LY75: variants seen among roughly 807,000 people sequenced by gnomAD.
The protein encoded by LY75 is C-type lectin domain family 13 member B.
LY75 carries 185 observed loss-of-function variants against 231.7 expected under a neutral mutation model. The observed-to-expected ratio is 0.80, with a 90% CI of 0.71 to 0.90. The LOEUF (loss-of-function observed/expected upper bound fraction) is 0.90, where lower values mean the gene tolerates loss of function less well. LY75 is among the 40% of genes least tolerant of loss of function. The probability of loss-of-function intolerance (pLI) is 0.00; values close to 1 mark genes in which losing one functional copy is unlikely to be tolerated. For missense variants in LY75, 1,947 were observed against 2,050.2 expected (o/e 0.95, Z 0.97); for synonymous variants, 668 against 689.0 (o/e 0.97, Z 0.48).
At chr2:159,859,078 G>A (rs1046997760) in intron 15 of LY75, among the ~76,000 whole-genome samples, 1 of 152,196 alleles carries the variant, frequency 6.6e-6, no homozygotes, top group Non-Finnish European at 1.5e-5. Context: ...CCTGATGCAG[G>A]TTGCATTAGT....
intron 11 of LY75, among the ~76,000 whole-genome samples, chr2:159,875,864 G>A (rs1685252648): frequency 6.6e-6 from 1 of 152,040 alleles, no homozygotes; most frequent in African/African-American, 2.4e-5. Flanking sequence ...AACCTATGGG[G>A]GGATTCTATT....
At chr2:159,875,739 A>G in intron 11 of LY75, 96 bp from the exon 12 acceptor site, 1 of 1,445,494 alleles carries the variant, frequency 6.9e-7, no homozygotes, top group African/African-American at 1.4e-5. Context: ...AGTTGGGGAG[A>G]GAGAATAAAA....
At chr2:159,859,225 C>T (rs561278868) in intron 15 of LY75, among the ~76,000 whole-genome samples, 2 of 152,338 alleles carry the variant, frequency 1.3e-5, no homozygotes, top group Admixed American at 1.3e-4. Context: ...TCACCTTTTC[C>T]TGTGTTACAT....
At chr2:159,860,691 G>C in intron 15 of LY75, 130 bp downstream of exon 15, 1 of 1,056,096 alleles carries the variant, frequency 9.5e-7, no homozygotes, top group Admixed American at 2.0e-5. Flanking sequence ...CCAGGCCATG[G>C]GTGTGCTTAT....
intron 29 of LY75, 53 bp from the exon 30 acceptor site, chr2:159,817,085 C>G (rs1683141988): frequency 6.8e-7 from 1 of 1,475,380 alleles, no homozygotes; most frequent in African/African-American, 1.4e-5. Context: ...TCAAATACAT[C>G]TTTTGGATGA....
chr2:159,818,714 G>T (rs1683196413), intron 29 of LY75, among the ~76,000 whole-genome samples: 2 of 152,204 alleles, frequency 1.3e-5, no homozygotes, highest in Non-Finnish European at 1.5e-5. Context: ...GAAATTGATT[G>T]TAGGGTAGAT....
In LY75 at chr2:159,858,491, G is replaced by A; in HGVS notation, c.2269-15C>T. The stretch of plus-strand genomic sequence containing the variant: ...CTATGAAATACCTATAAGAGGAAAA[G>A]TATTGCAGAATATTTTGAAGTTGAT... On this transcript the variant is annotated splice_polypyrimidine_tract_variant and intron_variant, in intron 15 of 34. Transcript: ENST00000263636. 6.2e-7 allele frequency: 1 copy of A among 1,602,620 alleles called. No homozygotes were observed. The highest frequency in any genetic ancestry group is 8.5e-7 in the Non-Finnish European group (1 of 1,176,478).
Position 159,852,049 on chromosome 2 carries a change from G to A in LY75, c.2883+152C>T, listed in dbSNP as rs372595598. 3.0e-5 allele frequency: 34 copies of A among 1,122,410 alleles called. 1 individual carries two copies. Among genetic ancestry groups the A allele is most frequent in the African/African-American group, 2.2e-4 (14 of 63,158 alleles). The allele number at this position is 1,122,410 out of a possible 1,614,324, so 69.5% of individuals were successfully genotyped here. On this transcript the variant is annotated intron_variant, in intron 21 of 34. Coordinates refer to ENST00000263636, the MANE Select transcript of LY75 (RefSeq NM_002349.4). ...AGAGTTAATTCTTGATATCATCCAC[G>A]GTTTCTGGCAACACAGAGGGCCAGG...
rs147937065 is a variant in LY75, at chr2:159,898,825, C to T, written c.329G>A (p.Cys110Tyr). ...CDSSAMLWWK[C>Y]EHHSLYGAAR... The stretch of plus-strand genomic sequence containing the variant: ...AGCTCCGTACAGAGAGTGGTGCTCA[C>T]ATTTCCACCACAGCATGGCACTGGA... The change falls in exon 2 of 35, where the codon TGT becomes TAT. Residue 110 changes from cysteine to tyrosine, a missense_variant. Transcript: ENST00000263636. 6.2e-7 allele frequency: 1 copy of T among 1,614,218 alleles called. No individual in the cohort carries two copies. The highest frequency in any genetic ancestry group is 8.5e-7 in the Non-Finnish European group (1 of 1,180,024).
In LY75 at chr2:159,815,445, G is replaced by C. The variant is rs754624203; in HGVS notation, c.4509C>G (p.Asn1503Lys). The change falls in exon 31 of 35, where the codon AAC becomes AAG. Residue 1503 changes from asparagine to lysine, a missense_variant. Physicochemically the swap from Asn to Lys is moderately conservative, Grantham distance 94 (BLOSUM62 0). Transcript: ENST00000263636. ...AACAAATAGCACCATCCTTAACAGAGTTGCATTTTTCATGTTTCCAAGTTC... is the reference window on the plus strand; with the variant it reads ...AACAAATAGCACCATCCTTAACAGACTTGCATTTTTCATGTTTCCAAGTTC... Reference protein sequence around the residue: ...PKGTWKHEKCNSVKDGAICYK... With the variant: ...PKGTWKHEKCKSVKDGAICYK... 1 of 1,612,790 alleles carries C rather than the reference G, an allele frequency of 6.2e-7. No homozygotes were observed. Among genetic ancestry groups the C allele is most frequent in the South Asian group, 1.1e-5 (1 of 90,910 alleles).
chr2:159,865,022 A>G (rs546087728), intron 13 of LY75, 102 bp from the exon 14 acceptor site: 3 of 1,041,762 alleles, frequency 2.9e-6, no homozygotes, highest in Non-Finnish European at 3.9e-6. Context: ...CACAGTTTCA[A>G]GCAACATAAA....
chr2:159,810,840 T>C (rs1489362704), intron 31 of LY75, among the ~76,000 whole-genome samples, 165 bp from the exon 32 acceptor site: 1 of 152,202 alleles, frequency 6.6e-6, no homozygotes, highest in Non-Finnish European at 1.5e-5. Flanking sequence ...CATATTTTAA[T>C]TAACTTTTTG....
intron 1 of LY75, among the ~76,000 whole-genome samples, chr2:159,900,453 A>C (rs1312642964): frequency 6.6e-6 from 1 of 152,260 alleles, no homozygotes; most frequent in Admixed American, 6.5e-5. Context: ...ACTGTCAGTG[A>C]ACCAGAGTTC....
intron 12 of LY75, among the ~76,000 whole-genome samples, chr2:159,873,696 T>C (rs1685086503): frequency 1.3e-5 from 2 of 149,526 alleles, no homozygotes; most frequent in Non-Finnish European, 3.0e-5. Flanking sequence ...AGACCAAATA[T>C]ATATATAAAT....
At position 159,804,224 on chromosome 2, in the gene LY75, G is replaced by T. The variant is rs1019187198; in HGVS notation, c.*820C>A. The T allele has an allele frequency of 3.3e-5, 5 of 152,144 alleles. No individual in the cohort carries two copies. The highest frequency in any genetic ancestry group is 2.1e-4 in the South Asian group (1 of 4,824). 9.4% of individuals were successfully genotyped at this position (152,144 alleles called of 1,614,324 possible). On this transcript the variant is annotated 3_prime_UTR_variant, in exon 35 of 35. Transcript: ENST00000263636. ...GAGGAATCATTTTGCTATATAAAAA[G>T]TAAGCAGAGGCCAGGCGCGGTGGCT...
intron 31 of LY75, chr2:159,814,092 G>A (rs1683045675): frequency 6.6e-6 from 1 of 152,172 alleles, no homozygotes; most frequent in African/African-American, 2.4e-5. Flanking sequence ...AGATTCTTCA[G>A]AGCAGAAAAC....
At chr2:159,867,878 C>T (rs1435880549) in intron 13 of LY75, among the ~76,000 whole-genome samples, 1 of 152,126 alleles carries the variant, frequency 6.6e-6, no homozygotes, top group Non-Finnish European at 1.5e-5. Flanking sequence ...ATTTGGTGCA[C>T]CATGAATCCT....
In LY75 at chr2:159,815,586, C is replaced by A; in HGVS notation, c.4381-13G>T. 1 of 1,606,112 alleles carries A rather than the reference C, an allele frequency of 6.2e-7. No individual in the cohort carries two copies. The highest frequency in any genetic ancestry group is 8.5e-7 in the Non-Finnish European group (1 of 1,178,022). On this transcript the variant is annotated splice_polypyrimidine_tract_variant and intron_variant, in intron 30 of 34. Coordinates refer to ENST00000263636, the MANE Select transcript of LY75 (RefSeq NM_002349.4). ...TTGATTCACTTCCCTGTTGTAAGAA[C>A]AATAGAGATAACCTGAATCCAGATG...
In LY75 at chr2:159,898,580, C is replaced by T. The variant is rs887089200; in HGVS notation, c.466+108G>A. ...AGTGCCTGGAAGTGAAGAGCTTACTCACTGCCCTTACTAATGTACGACTCT... is the reference window on the plus strand; with the variant it reads ...AGTGCCTGGAAGTGAAGAGCTTACTTACTGCCCTTACTAATGTACGACTCT... On this transcript the variant is annotated intron_variant, in intron 2 of 34. Coordinates refer to ENST00000263636, the MANE Select transcript of LY75 (RefSeq NM_002349.4). 2.0e-6 allele frequency: 3 copies of T among 1,500,116 alleles called. No individual in the cohort carries two copies. The African/African-American group carries it at 4.2e-5, about 21-fold the overall frequency. 92.9% of individuals were successfully genotyped at this position (1,500,116 alleles called of 1,614,324 possible).
Sources: gnomAD v4.1 joint callset for allele counts (sites outside exome capture counted in the v4.1 genomes callset) on GRCh38, gnomAD v4.1.1 for gene constraint, MANE v1.5 for transcripts, NCBI Gene and HGNC (gene_info 2026-07-23, HGNC 2026-07-21) for gene names.